The following IPP variants were observed in gnomAD, a reference collection of about 807,000 sequenced individuals.
The protein encoded by IPP is intracisternal A particle-promoted polypeptide.
Under a neutral mutation model 64.1 loss-of-function variants are expected in IPP, and 41 were observed. The observed-to-expected ratio is 0.64, with a 90% confidence interval of 0.50 to 0.83. IPP has a LOEUF of 0.83. Ranked by LOEUF, IPP falls within the 40% of genes least tolerant of loss-of-function variation. The pLI, the probability that IPP is intolerant of heterozygous loss-of-function variation, is 0.00. For synonymous variants in IPP, 214 were observed against 235.2 expected, an observed-to-expected ratio of 0.91 and a Z score of 0.83; for missense variants, 649 against 703.0, an observed-to-expected ratio of 0.92 and a Z score of 0.87.
In IPP at chr1:45,729,703, T is replaced by C. The variant is rs28375469; in HGVS notation, c.791A>G (p.Lys264Arg). The C allele has an allele frequency of 0.3, 480,759 of 1,607,180 alleles. 73,012 individuals carry two copies. Among genetic ancestry groups the C allele is most frequent in the South Asian group, 0.36 (32,817 of 90,658 alleles). ...TLLKEYCEVC[K>R]SPKENKFCSF... ...ACAAAACTTGTTCTCTTTGGGAGAT[T>C]TGCATACTTCACAGTACTCTTTCAG... Residue 264 changes from lysine (K) to arginine (R), a missense_variant, in exon 4 of 9, where the codon AAA (lysine) becomes AGA (arginine). Physicochemically the swap from Lys to Arg is conservative, Grantham distance 26. Transcript: ENST00000396478.
At chr1:45,742,175 C>T (rs1464542651) in intron 2 of IPP, among the ~76,000 whole-genome samples, 1 of 152,066 alleles carries the variant, frequency 6.6e-6, no homozygotes, top group Admixed American at 6.5e-5. Context: ...ATTGCATACA[C>T]GTGGACACCA....
chr1:45,746,802 G>C (rs906666545), intron 1 of IPP, among the ~76,000 whole-genome samples: 8 of 152,094 alleles, frequency 5.3e-5, no homozygotes, highest in African/African-American at 1.7e-4. Context: ...ACACATCACA[G>C]AGCACACATC....
chr1:45,724,420 G>A (rs1645778183), intron 5 of IPP, among the ~76,000 whole-genome samples: 1 of 151,962 alleles, frequency 6.6e-6, no homozygotes, highest in Non-Finnish European at 1.5e-5. Context: ...GAAGTGAGGA[G>A]CGTCTCTGCC....
Position 45,737,847 on chromosome 1 carries a change from A to T in IPP, c.724+3054T>A, listed in dbSNP as rs372596257. 1.8e-4 allele frequency among the ~76,000 whole-genome samples: 27 copies of T among 152,282 alleles called. No homozygotes were observed. The South Asian group carries it at 4.8e-3, about 27-fold the overall frequency. ...ATGCCTAGGTCATTCACCTCATTTC[A>T]TCTTATCACATAGGTACTTTATCAT... On this transcript the variant is annotated intron_variant, in intron 3 of 8. Transcript: ENST00000396478.
chr1:45,698,355 GA>G (rs1344759060), downstream of IPP, among the ~76,000 whole-genome samples: 1 of 152,142 alleles, frequency 6.6e-6, no homozygotes, highest in Non-Finnish European at 1.5e-5. Flanking sequence ...CTGGCCAGTA[GA>G]AATAACTTAA....
intron 2 of IPP, 50 bp from the exon 3 acceptor site, chr1:45,741,382 G>A: frequency 8.0e-7 from 1 of 1,244,138 alleles, no homozygotes; most frequent in Non-Finnish European, 1.1e-6. Context: ...ACAAACATTG[G>A]CTTACCATAT....
chr1:45,746,262 A>G lies in IPP; in HGVS notation c.150T>C (p.Ala50=), dbSNP rs375811818. 2.3e-5 allele frequency: 37 copies of G among 1,614,092 alleles called. No homozygotes were observed. The East Asian group carries it at 5.6e-4, about 24-fold the overall frequency. ...TGCTGGCAGCCAAAACCAGCCGATG[A>G]GCTTTAAAACTTTCCTGTCCAACTT... ...QLQVGQESFK[A]HRLVLAASSP... The change falls in exon 2 of 9, where the codon GCT becomes GCC. Residue 50 remains alanine (A), a synonymous_variant. Coordinates refer to ENST00000396478, the MANE Select transcript of IPP (RefSeq NM_005897.3).
chr1:45,727,571 A>C (rs528453699), intron 5 of IPP, 60 bp downstream of exon 5: 2 of 1,086,306 alleles, frequency 1.8e-6, no homozygotes, highest in African/African-American at 3.1e-5. Flanking sequence ...ATAAATCATA[A>C]AGCATATTAG....
intron 1 of IPP, among the ~76,000 whole-genome samples, chr1:45,746,961 T>C (rs905201129): frequency 6.6e-6 from 1 of 152,216 alleles, no homozygotes. Context: ...TCCAGGAACC[T>C]TTCCCCATTG....
At chr1:45,746,497 A>T (rs947057594) in intron 1 of IPP, 36 bp from the exon 2 acceptor site, 10 of 1,050,804 alleles carry the variant, frequency 9.5e-6, no homozygotes, top group Non-Finnish European at 1.3e-5. Flanking sequence ...AAGCAACAAA[A>T]TTTTTTTAAC....
In IPP at chr1:45,741,286, T is replaced by C. The variant is rs1402275706; in HGVS notation, c.339A>G (p.Ala113=). 6.2e-7 allele frequency: 1 copy of C among 1,613,894 alleles called. No individual in the cohort carries two copies. The highest frequency in any genetic ancestry group is 1.3e-5 in the African/African-American group (1 of 74,946). The change falls in exon 3 of 9, where the codon GCA becomes GCG. Residue 113 remains alanine (A), a synonymous_variant. Transcript: ENST00000396478. ...GVNNVQELII[A]ADMLQLTEVV... Reference sequence around the variant, plus strand: ...CTTCAGTCAACTGTAGCATGTCTGCTGCAATAATCAACTCCTGGACATTAT... The same window carrying C: ...CTTCAGTCAACTGTAGCATGTCTGCCGCAATAATCAACTCCTGGACATTAT...
At chr1:45,724,605 G>C (rs1234637110) in intron 5 of IPP, among the ~76,000 whole-genome samples, 1 of 151,006 alleles carries the variant, frequency 6.6e-6, no homozygotes, top group Non-Finnish European at 1.5e-5. Flanking sequence ...CATCGTCTGA[G>C]ATGTGGGGAG....
chr1:45,741,395 A>C, intron 2 of IPP, 63 bp from the exon 3 acceptor site: 4 of 1,119,496 alleles, frequency 3.6e-6, no homozygotes, highest in Non-Finnish European at 5.2e-6. Context: ...TACCATATTC[A>C]AAAAGTATTA....
rs539530289 is a variant in IPP, at chr1:45,744,053, G to GA, written c.292+2066dup. 1.4e-4 allele frequency among the ~76,000 whole-genome samples: 21 copies of GA among 151,788 alleles called. 2 individuals carry two copies. The East Asian group carries it at 4.1e-3, about 29-fold the overall frequency. On this transcript the variant is annotated intron_variant, in intron 2 of 8. Transcript: ENST00000396478. Reference sequence around the variant, plus strand: ...AAAAGAGTAATATATATTCACTGTGGAAAAAGAACTTTAAGACAGAAAAAC... The same window carrying GA: ...AAAAGAGTAATATATATTCACTGTGGAAAAAAGAACTTTAAGACAGAAAAAC...
At chr1:45,712,277 G>C (rs952762310) in intron 8 of IPP, among the ~76,000 whole-genome samples, 3 of 143,710 alleles carry the variant, frequency 2.1e-5, no homozygotes, top group Non-Finnish European at 4.5e-5. Context: ...GAGCAGCCTG[G>C]TGACTGAGCA....
intron 1 of IPP, among the ~76,000 whole-genome samples, chr1:45,747,903 CA>C (rs1460522674): frequency 7.6e-6 from 1 of 131,034 alleles, no homozygotes; most frequent in Non-Finnish European, 1.6e-5. Flanking sequence ...TATGGAATAG[CA>C]CAGGGAAATT....
intron 5 of IPP, among the ~76,000 whole-genome samples, chr1:45,725,667 A>C (rs1257102257): frequency 7.2e-6 from 1 of 138,506 alleles, no homozygotes; most frequent in Admixed American, 7.3e-5. Flanking sequence ...GTGGGGAAAA[A>C]ATTGAGAAAT....
intron 2 of IPP, among the ~76,000 whole-genome samples, chr1:45,743,032 G>C (rs893351676): frequency 6.6e-6 from 1 of 151,734 alleles, no homozygotes; most frequent in Non-Finnish European, 1.5e-5. Flanking sequence ...ACACCTCCTG[G>C]GTTCAAGTGA....
At chr1:45,729,839 AAAGAT>A (rs1222630757) in intron 3 of IPP, 70 bp from the exon 4 acceptor site, 24 of 908,084 alleles carry the variant, frequency 2.6e-5, no homozygotes, top group Non-Finnish European at 3.6e-5. Context: ...ACATTTCTAT[AAAGAT>A]AAGATACATT....
Sources: gnomAD v4.1 joint callset for allele counts (sites outside exome capture counted in the v4.1 genomes callset) on GRCh38, gnomAD v4.1.1 for gene constraint, MANE v1.5 for transcripts, NCBI Gene and HGNC (gene_info 2026-07-23, HGNC 2026-07-21) for gene names.